The following ZNF469 variants were observed in gnomAD, a reference collection of about 807,000 sequenced individuals.
ZNF469 encodes zinc finger protein 469.
A neutral mutation model predicts 1.0 loss-of-function variants in ZNF469; 1 was observed. The ratio of observed to expected loss-of-function variants is 1.00; its 90% confidence interval spans 0.35 to 4.73. ZNF469 has a LOEUF of 4.73. Among genes scored for constraint, ZNF469 ranks in the 30% most tolerant of loss-of-function variants. The pLI, the probability that ZNF469 is intolerant of heterozygous loss-of-function variation, is 0.16. For missense variants in ZNF469, 6,100 were observed against 5,356.3 expected, an observed-to-expected ratio of 1.14 and a Z score of -4.33; for synonymous variants, 2,703 against 2,363.4, an observed-to-expected ratio of 1.14 and a Z score of -4.17.
chr16:88,167,053 C>CTTTTTTTTT, the ZNF469 span, among the ~76,000 whole-genome samples: 2 of 82,840 alleles, frequency 2.4e-5, 1 homozygote, highest in Non-Finnish European at 4.3e-5. Context: ...CAGGCTTATT[C>CTTTTTTTTT]TTTTTTTTTT....
At chr16:88,168,716 G>A in the ZNF469 span, among the ~76,000 whole-genome samples, 15 of 152,334 alleles carry the variant, frequency 9.8e-5, no homozygotes, top group African/African-American at 3.4e-4. This position sits in a 1 kb window ranked among gnomAD's most constrained non-coding sequence, Gnocchi z 4.3. Flanking sequence ...GCACTAGGAC[G>A]AGGGCTGGGC....
intron 1 of ZNF469, among the ~76,000 whole-genome samples, chr16:88,399,077 GT>G (rs1904782393): frequency 1.3e-5 from 2 of 152,256 alleles, no homozygotes. Flanking sequence ...GGTCTCCCCT[GT>G]TCCGAGAGTA....
the ZNF469 span, among the ~76,000 whole-genome samples, chr16:88,131,765 A>T: frequency 6.6e-6 from 1 of 152,150 alleles, no homozygotes; most frequent in African/African-American, 2.4e-5. Context: ...CTGTCCAGGG[A>T]TGGGGTCAGG....
At chr16:88,137,749 A>G in the ZNF469 span, among the ~76,000 whole-genome samples, 1 of 152,240 alleles carries the variant, frequency 6.6e-6, no homozygotes, top group Non-Finnish European at 1.5e-5. Context: ...GGGTTATTGT[A>G]GTCTTTAGAG....
At chr16:88,376,496 TC>T in the ZNF469 span, among the ~76,000 whole-genome samples, 1 of 152,172 alleles carries the variant, frequency 6.6e-6, no homozygotes, top group East Asian at 1.9e-4. Context: ...GGGTGCCTCC[TC>T]CGGGGCCCTC....
chr16:88,125,764 A>AT, the ZNF469 span, among the ~76,000 whole-genome samples: 1 of 152,136 alleles, frequency 6.6e-6, no homozygotes, highest in Non-Finnish European at 1.5e-5. Flanking sequence ...ATGATATTTT[A>AT]TTTTTTTGCA....
At chr16:88,279,349 A>T in the ZNF469 span, among the ~76,000 whole-genome samples, 2 of 151,318 alleles carry the variant, frequency 1.3e-5, no homozygotes, top group Non-Finnish European at 2.9e-5. Context: ...GTGCACGGTT[A>T]GTGCTACGCC....
chr16:88,184,032 G>A, the ZNF469 span, among the ~76,000 whole-genome samples: 1 of 151,956 alleles, frequency 6.6e-6, no homozygotes, highest in Admixed American at 6.5e-5. Flanking sequence ...AGGTGCCGGA[G>A]TCTCCGGCAC....
chr16:88,127,085 A>G, the ZNF469 span, among the ~76,000 whole-genome samples: 360 of 152,192 alleles, frequency 2.4e-3, 10 homozygotes, highest in Admixed American at 0.022. Context: ...GGCCTCCCAC[A>G]GTGCTGGGAT....
chr16:88,151,052 G>A, the ZNF469 span, among the ~76,000 whole-genome samples: 645 of 152,334 alleles, frequency 4.2e-3, 7 homozygotes, highest in African/African-American at 0.015. The surrounding 1 kb of genome is among the most constrained non-coding windows in gnomAD (Gnocchi z 5.4). Context: ...AGTGACACGC[G>A]ACTCCAGAGC....
chr16:88,121,515 T>A, the ZNF469 span, among the ~76,000 whole-genome samples: 2 of 152,240 alleles, frequency 1.3e-5, no homozygotes, highest in Non-Finnish European at 1.5e-5. Flanking sequence ...GAGCTCAGCC[T>A]TGGCCAGATG....
chr16:88,186,914 C>T, the ZNF469 span, among the ~76,000 whole-genome samples: 1 of 151,960 alleles, frequency 6.6e-6, no homozygotes, highest in East Asian at 1.9e-4. Flanking sequence ...CAGGACACGC[C>T]GGAGACACTG....
At chr16:88,405,770 C>T (rs917352673) in intron 1 of ZNF469, among the ~76,000 whole-genome samples, 2 of 152,228 alleles carry the variant, frequency 1.3e-5, no homozygotes, top group Non-Finnish European at 2.9e-5. Context: ...CTGTCCCGGT[C>T]ATAGCCCGCC....
Position 88,435,752 on chromosome 16 carries a change from C to T in ZNF469, c.8282C>T (p.Thr2761Ile). 6.4e-7 allele frequency: 1 copy of T among 1,550,830 alleles called. No individual in the cohort carries two copies. The highest frequency in any genetic ancestry group is 8.7e-7 in the Non-Finnish European group (1 of 1,146,998). The change falls in exon 3 of 3, where the codon ACC (threonine) becomes ATC (isoleucine). Residue 2761 changes from threonine to isoleucine, a missense_variant. Coordinates refer to ENST00000565624, the MANE Select transcript of ZNF469 (RefSeq NM_001367624.2). ...SARGFWGPRE[T>I]KALGVCKESG... Reference sequence around the variant, plus strand: ...AGGGGGTTCTGGGGACCAAGAGAGACCAAGGCGTTGGGTGTGTGCAAAGAG... The same window carrying T: ...AGGGGGTTCTGGGGACCAAGAGAGATCAAGGCGTTGGGTGTGTGCAAAGAG...
chr16:88,272,049 G>C, the ZNF469 span, among the ~76,000 whole-genome samples: 1 of 151,960 alleles, frequency 6.6e-6, no homozygotes, highest in Non-Finnish European at 1.5e-5. Context: ...AATGAACTGG[G>C]GATAAATAGG....
chr16:88,109,712 C>T, the ZNF469 span, among the ~76,000 whole-genome samples: 5,963 of 133,520 alleles, frequency 0.045, 80 homozygotes, highest in East Asian at 0.11. Flanking sequence ...CACGCTGTCT[C>T]CTCTCCGGGA....
the ZNF469 span, among the ~76,000 whole-genome samples, chr16:88,259,480 C>G: frequency 6.6e-6 from 1 of 152,176 alleles, no homozygotes; most frequent in Non-Finnish European, 1.5e-5. This position sits in a 1 kb window ranked among gnomAD's most constrained non-coding sequence, Gnocchi z 4.1. Flanking sequence ...GCTTCTCCTC[C>G]GCTGCAGAAG....
chr16:88,161,218 C>A, the ZNF469 span, among the ~76,000 whole-genome samples: 1 of 151,654 alleles, frequency 6.6e-6, no homozygotes, highest in Non-Finnish European at 1.5e-5. Flanking sequence ...TAAAGGTACA[C>A]TGATTTATCT....
At chr16:88,412,956 C>G (rs1170559371) in intron 1 of ZNF469, among the ~76,000 whole-genome samples, 1 of 152,006 alleles carries the variant, frequency 6.6e-6, no homozygotes, top group African/African-American at 2.4e-5. Context: ...GCAGTGGCCG[C>G]TTATCCAACT....
Sources: gnomAD v4.1 joint callset for allele counts (sites outside exome capture counted in the v4.1 genomes callset) on GRCh38, gnomAD v4.1.1 for gene constraint, Gnocchi (gnomAD v3.1) non-coding constraint, MANE v1.5 for transcripts, NCBI Gene and HGNC (gene_info 2026-07-23, HGNC 2026-07-21) for gene names.